The following RORA variants were observed in gnomAD, a reference collection of about 807,000 sequenced individuals.
RORA encodes the protein RAR related orphan receptor A.
In RORA, 7 loss-of-function variants were observed where a neutral mutation model predicts 69.5. That is an observed-to-expected ratio of 0.10 (90% CI 0.06 to 0.19). The LOEUF (loss-of-function observed/expected upper bound fraction) is 0.19. RORA is among the 10% of genes least tolerant of loss of function. The pLI, the probability that RORA is intolerant of heterozygous loss-of-function variation, is 1.00. For synonymous variants in RORA, 261 were observed against 240.8 expected, an observed-to-expected ratio of 1.08 and a Z score of -0.78; for missense variants, 457 against 663.0, an observed-to-expected ratio of 0.69 and a Z score of 3.41.
At chr15:61,008,408 C>A (rs2140390612) in intron 1 of RORA, among the ~76,000 whole-genome samples, 1 of 152,218 alleles carries the variant, frequency 6.6e-6, no homozygotes, top group African/African-American at 2.4e-5. Context: ...GCTGCACCCA[C>A]AAGCCAGGTA....
intron 1 of RORA, among the ~76,000 whole-genome samples, chr15:60,790,974 G>GC (rs956322567): frequency 1.0e-3 from 156 of 151,270 alleles, no homozygotes; most frequent in African/African-American, 3.6e-3. Context: ...CCCCCCCATT[G>GC]CCCCCCCAAA....
At chr15:60,740,020 C>T (rs1277879129) in intron 1 of RORA, among the ~76,000 whole-genome samples, 1 of 152,150 alleles carries the variant, frequency 6.6e-6, no homozygotes, top group Non-Finnish European at 1.5e-5. Context: ...TGGACACCAA[C>T]CTCTCTTCTC....
At chr15:60,800,128 A>G (rs1281223449) in intron 1 of RORA, among the ~76,000 whole-genome samples, 2 of 151,990 alleles carry the variant, frequency 1.3e-5, no homozygotes, top group Admixed American at 1.3e-4. Flanking sequence ...GAGTATTTAC[A>G]CCACAGAAAT....
At chr15:60,657,065 A>T (rs1199220667) in intron 2 of RORA, among the ~76,000 whole-genome samples, 2 of 152,202 alleles carry the variant, frequency 1.3e-5, no homozygotes, top group African/African-American at 4.8e-5. Flanking sequence ...AGAATTGGCT[A>T]TGTGGGTTGG....
intron 1 of RORA, among the ~76,000 whole-genome samples, chr15:61,045,431 T>A (rs1277060704): frequency 6.6e-6 from 1 of 152,238 alleles, no homozygotes; most frequent in Non-Finnish European, 1.5e-5. Flanking sequence ...TCCGGCTGAA[T>A]GTTAAGCACT....
chr15:60,930,336 C>A (rs1042549062), intron 1 of RORA, among the ~76,000 whole-genome samples: 1 of 152,062 alleles, frequency 6.6e-6, no homozygotes, highest in Non-Finnish European at 1.5e-5. Flanking sequence ...AGGAGCATAT[C>A]CTCCCACCTC....
intron 1 of RORA, among the ~76,000 whole-genome samples, chr15:60,679,067 G>A (rs946246347): frequency 6.6e-6 from 1 of 151,954 alleles, no homozygotes; most frequent in African/African-American, 2.4e-5. Flanking sequence ...TCAGACCAGG[G>A]TAAGATGAGC....
intron 1 of RORA, among the ~76,000 whole-genome samples, chr15:60,917,323 A>T (rs1172663449): frequency 6.6e-6 from 1 of 152,130 alleles, no homozygotes; most frequent in Non-Finnish European, 1.5e-5. Context: ...TTTGTTTGTT[A>T]CTATGGTTAC....
intron 1 of RORA, among the ~76,000 whole-genome samples, chr15:60,963,944 G>C (rs1051953374): frequency 2.6e-5 from 4 of 152,224 alleles, no homozygotes; most frequent in Non-Finnish European, 5.9e-5. Context: ...TCTAACTTAA[G>C]GGAATGGAGA....
chr15:60,628,022 G>A (rs1039688780), intron 2 of RORA, among the ~76,000 whole-genome samples: 5 of 152,130 alleles, frequency 3.3e-5, no homozygotes, highest in African/African-American at 1.2e-4. Context: ...ACAGAAATTT[G>A]TAAAAATAGT....
intron 1 of RORA, among the ~76,000 whole-genome samples, chr15:61,210,101 G>T (rs2079977406): frequency 6.6e-6 from 1 of 152,192 alleles, no homozygotes; most frequent in South Asian, 2.1e-4. Flanking sequence ...GGGATGCTGA[G>T]GGTTCCCTCA....
intron 1 of RORA, among the ~76,000 whole-genome samples, chr15:61,207,269 G>C (rs2079951081): frequency 6.6e-6 from 1 of 152,168 alleles, no homozygotes; most frequent in Non-Finnish European, 1.5e-5. Context: ...AAATGGAATA[G>C]ACTTTCTCCT....
intron 1 of RORA, among the ~76,000 whole-genome samples, chr15:61,078,029 C>G (rs1025996699): frequency 1.3e-5 from 2 of 152,298 alleles, no homozygotes; most frequent in African/African-American, 4.8e-5. Flanking sequence ...AGCAAGCACT[C>G]TTGTACTGGA....
chr15:61,189,349 G>A lies in RORA; in HGVS notation c.166+39704C>T, dbSNP rs1009559760. ...AATAACATCCAGTGCCTGTATCCAC[G>A]CACTCTATTTGCTGGCTCCCACTCG... On this transcript the variant is annotated intron_variant, in intron 1 of 10. Coordinates refer to ENST00000335670, the MANE Select transcript of RORA (RefSeq NM_134261.3). Among the ~76,000 whole-genome samples, 5 of 152,168 alleles carry A rather than the reference G, an allele frequency of 3.3e-5. No individual in the cohort carries two copies. The East Asian group carries it at 7.7e-4, about 23-fold the overall frequency.
rs555639161 is a variant in RORA, at chr15:60,701,383, G to C, written c.167-22697C>G. ...GGCAAGAACCACCATGGATCAAAGGGGACTGAAGAAGTTAGGAGAAGTTTA... is the reference window on the plus strand; with the variant it reads ...GGCAAGAACCACCATGGATCAAAGGCGACTGAAGAAGTTAGGAGAAGTTTA... On this transcript the variant is annotated intron_variant, in intron 1 of 10. Coordinates refer to ENST00000335670, the MANE Select transcript of RORA (RefSeq NM_134261.3). Among the ~76,000 whole-genome samples the C allele has an allele frequency of 2.2e-4, 34 of 152,252 alleles. No individual in the cohort carries two copies. In the East Asian group the frequency reaches 6.6e-3, roughly 29 times the overall value.
chr15:60,649,982 G>A (rs369861081), intron 2 of RORA, among the ~76,000 whole-genome samples: 22 of 152,076 alleles, frequency 1.4e-4, no homozygotes, highest in African/African-American at 4.8e-4. Flanking sequence ...CTGTTCACAC[G>A]TTTTGAGGTA....
rs533022861 is a variant in RORA at position 60,742,982 on chromosome 15, A to G, written c.167-64296T>C. Among the ~76,000 whole-genome samples the G allele has an allele frequency of 2.7e-5, 4 of 147,964 alleles. No individual in the cohort carries two copies. In the South Asian group the frequency reaches 8.6e-4, roughly 32 times the overall value. On this transcript the variant is annotated intron_variant, in intron 1 of 10. Coordinates refer to ENST00000335670, the MANE Select transcript of RORA (RefSeq NM_134261.3). ...AGGCAGATACACAGAAACAAGTTATATGATATCCCTATTTATGTAAATGCA... is the reference window on the plus strand; with the variant it reads ...AGGCAGATACACAGAAACAAGTTATGTGATATCCCTATTTATGTAAATGCA...
chr15:60,926,884 A>T (rs1265837535), intron 1 of RORA, among the ~76,000 whole-genome samples: 1 of 152,222 alleles, frequency 6.6e-6, no homozygotes, highest in Non-Finnish European at 1.5e-5. Flanking sequence ...GATAGACTGT[A>T]CAGAGAGAGA....
intron 1 of RORA, among the ~76,000 whole-genome samples, chr15:60,838,524 A>T (rs1255485711): frequency 6.6e-6 from 1 of 152,118 alleles, no homozygotes; most frequent in Non-Finnish European, 1.5e-5. Context: ...ATGAGACTTG[A>T]CCTGAAACCT....
Sources: allele counts gnomAD v4.1 joint callset (sites outside exome capture counted in the v4.1 genomes callset), GRCh38; gene constraint gnomAD v4.1.1; transcripts MANE v1.5; gene names NCBI Gene and HGNC (gene_info 2026-07-23, HGNC 2026-07-21).